The following PPFIBP2 variants were observed in gnomAD, a reference collection of about 807,000 sequenced individuals.
PPFIBP2 encodes liprin-beta-2.
A neutral mutation model predicts 118.3 loss-of-function variants in PPFIBP2; 118 were observed. That is an observed-to-expected ratio of 1.00 (90% CI 0.86 to 1.16). The LOEUF is 1.16. Among genes scored for constraint, PPFIBP2 ranks in the 50% most tolerant of loss-of-function variants. The pLI is 0.00. For synonymous variants in PPFIBP2, 414 were observed against 397.4 expected (o/e 1.04, Z -0.50); for missense variants, 1,195 against 1,073.1 (o/e 1.11, Z -1.59).
At chr11:7,535,779 GA>G (rs1255998037) in intron 1 of PPFIBP2, among the ~76,000 whole-genome samples, 1 of 152,202 alleles carries the variant, frequency 6.6e-6, no homozygotes, top group Non-Finnish European at 1.5e-5. Flanking sequence ...CCCTGGTTCT[GA>G]ATACCTGAAC....
Position 7,605,506 on chromosome 11 carries a change from A to T in PPFIBP2, c.487-4785A>T, listed in dbSNP as rs533798662. On this transcript the variant is annotated intron_variant, in intron 5 of 23. Coordinates refer to ENST00000299492, the MANE Select transcript of PPFIBP2 (RefSeq NM_003621.5). ...GTACAGAAACCAACTGGCATCATTA[A>T]TTGCCTTTCACTAGCAATTTTTAAG... Among the ~76,000 whole-genome samples the T allele has an allele frequency of 1.2e-3, 184 of 152,332 alleles. 1 individual carries two copies. The highest frequency in any genetic ancestry group is 4.3e-3 in the African/African-American group (179 of 41,570).
intron 1 of PPFIBP2, among the ~76,000 whole-genome samples, chr11:7,529,558 C>G (rs1297957087): frequency 6.6e-6 from 1 of 152,194 alleles, no homozygotes; most frequent in Non-Finnish European, 1.5e-5. Flanking sequence ...CTCTTGATGC[C>G]AGTGCATGGA....
At chr11:7,608,142 T>A (rs988918197) in intron 5 of PPFIBP2, among the ~76,000 whole-genome samples, 1 of 152,250 alleles carries the variant, frequency 6.6e-6, no homozygotes, top group Non-Finnish European at 1.5e-5. Context: ...GCCTTAGCAC[T>A]GGGTCCTGAT....
downstream of PPFIBP2, chr11:7,656,767 T>A: frequency 7.8e-7 from 1 of 1,289,830 alleles, no homozygotes; most frequent in Non-Finnish European, 1.0e-6. Context: ...GACTCTCGCC[T>A]GCCTGCCCCC....
At chr11:7,584,300 C>A (rs569863378) in intron 3 of PPFIBP2, among the ~76,000 whole-genome samples, 12 of 152,162 alleles carry the variant, frequency 7.9e-5, no homozygotes, top group Non-Finnish European at 1.8e-4. Flanking sequence ...CTGCTTTGTT[C>A]TTCCTTAAAA....
intron 21 of PPFIBP2, 123 bp from the exon 22 acceptor site, chr11:7,650,717 C>G: frequency 9.2e-7 from 1 of 1,082,760 alleles, no homozygotes; most frequent in South Asian, 2.5e-5. Flanking sequence ...GGTCACTAAG[C>G]TTGAGGGCCT....
At chr11:7,528,767 C>T (rs985952791) in intron 1 of PPFIBP2, among the ~76,000 whole-genome samples, 2 of 152,160 alleles carry the variant, frequency 1.3e-5, no homozygotes, top group Admixed American at 6.6e-5. Context: ...ATTGTTTTCA[C>T]AGATCACATG....
intron 23 of PPFIBP2, 49 bp downstream of exon 23, chr11:7,651,893 T>A (rs746443740): frequency 6.5e-7 from 1 of 1,536,516 alleles, no homozygotes; most frequent in South Asian, 1.2e-5. Context: ...CTCCTGGCCC[T>A]CACGCAGCAC....
At chr11:7,599,344 G>C (rs1222400723) in intron 5 of PPFIBP2, among the ~76,000 whole-genome samples, 1 of 152,230 alleles carries the variant, frequency 6.6e-6, no homozygotes, top group African/African-American at 2.4e-5. Context: ...GAACGTGTCA[G>C]AAGGTTGATG....
At position 7,610,359 on chromosome 11, in the gene PPFIBP2, G is replaced by C; in HGVS notation, c.555G>C (p.Lys185Asn). 6.2e-7 allele frequency: 1 copy of C among 1,614,242 alleles called. No homozygotes were observed. The highest frequency in any genetic ancestry group is 1.3e-5 in the African/African-American group (1 of 75,070). ...TGATGACTGAAGTGTCTGAGCTGAA[G>C]CTCAAGCTGGTTGGCATGGAGAAGG... is the stretch of plus-strand genomic sequence containing the variant. ...LDLMTEVSEL[K>N]LKLVGMEKEQ... Residue 185 changes from lysine to asparagine, a missense_variant, in exon 6 of 24, where the codon AAG (lysine) becomes AAC (asparagine). Physicochemically the swap from Lys to Asn is moderately conservative, Grantham distance 94. Coordinates refer to ENST00000299492, the MANE Select transcript of PPFIBP2 (RefSeq NM_003621.5).
chr11:7,570,026 G>A (rs1194642047), intron 3 of PPFIBP2, among the ~76,000 whole-genome samples: 4 of 152,172 alleles, frequency 2.6e-5, no homozygotes, highest in Non-Finnish European at 5.9e-5. Context: ...CTGGCATGTG[G>A]TACCTGGCCC....
the PPFIBP2 span, chr11:7,665,748 C>G: frequency 1.5e-6 from 2 of 1,305,830 alleles, no homozygotes; most frequent in Non-Finnish European, 2.1e-6. Flanking sequence ...GTCCCAGGCT[C>G]ACTGCAGGGA....
intron 17 of PPFIBP2, among the ~76,000 whole-genome samples, chr11:7,644,090 T>C (rs756225150): frequency 1.5e-4 from 22 of 150,790 alleles, no homozygotes; most frequent in Non-Finnish European, 2.8e-4. Context: ...TTAATTCTTT[T>C]GTGAATTATC....
chr11:7,550,769 T>A (rs917263472), intron 2 of PPFIBP2, among the ~76,000 whole-genome samples: 1 of 152,186 alleles, frequency 6.6e-6, no homozygotes, highest in African/African-American at 2.4e-5. Flanking sequence ...GAAGGCAGAC[T>A]CACCCTTAAT....
rs11041436 is a variant in PPFIBP2, at chr11:7,546,672, C to T, written c.-36-2768C>T. Among the ~76,000 whole-genome samples, 511 of 152,362 alleles carry T rather than the reference C, an allele frequency of 3.4e-3. 1 individual carries two copies. The highest frequency in any genetic ancestry group is 5.1e-3 in the Non-Finnish European group (350 of 68,038). ...GAAGGCTTTGACTCATCTTGAGCAG[C>T]TGGGTGCTCCTGCGTAATCTCATCA... On this transcript the variant is annotated intron_variant, in intron 1 of 23. Coordinates refer to ENST00000299492, the MANE Select transcript of PPFIBP2 (RefSeq NM_003621.5).
intron 22 of PPFIBP2, 89 bp from the exon 23 acceptor site, chr11:7,651,567 C>A: frequency 1.6e-6 from 2 of 1,258,702 alleles, no homozygotes; most frequent in South Asian, 2.9e-5. Flanking sequence ...GGAGGCACCC[C>A]CAGCCCCAAC....
chr11:7,527,642 G>C (rs979782557), intron 1 of PPFIBP2, among the ~76,000 whole-genome samples: 4 of 152,122 alleles, frequency 2.6e-5, no homozygotes, highest in African/African-American at 9.7e-5. Flanking sequence ...TTAATATTCA[G>C]AGAAAGATGT....
At chr11:7,570,071 C>G (rs1313136786) in intron 3 of PPFIBP2, among the ~76,000 whole-genome samples, 1 of 152,130 alleles carries the variant, frequency 6.6e-6, no homozygotes, top group Admixed American at 6.5e-5. Context: ...GTGACCACTT[C>G]CAGGATTTTG....
chr11:7,641,389 C>T lies in PPFIBP2; in HGVS notation c.1376-90C>T, dbSNP rs552418052. 5 of 1,425,150 alleles carry T rather than the reference C, an allele frequency of 3.5e-6. No individual in the cohort carries two copies. The South Asian group carries it at 3.9e-5, about 11-fold the overall frequency. The allele number at this position is 1,425,150 out of a possible 1,614,324, so 88.3% of individuals were successfully genotyped here. A position where few individuals can be genotyped will look rare whatever the true frequency, so the allele number is the denominator to read the frequency against. Reference sequence around the variant, plus strand: ...CAGAACTGGGCAGATTCTCTGGACTCCCACTGAAGGGGAGGGCCCAGGCTT... The same window carrying T: ...CAGAACTGGGCAGATTCTCTGGACTTCCACTGAAGGGGAGGGCCCAGGCTT... On this transcript the variant is annotated intron_variant, in intron 15 of 23. Coordinates refer to ENST00000299492, the MANE Select transcript of PPFIBP2 (RefSeq NM_003621.5).
Sources: gnomAD v4.1 joint callset for allele counts (sites outside exome capture counted in the v4.1 genomes callset) on GRCh38, gnomAD v4.1.1 for gene constraint, MANE v1.5 for transcripts, NCBI Gene and HGNC (gene_info 2026-07-23, HGNC 2026-07-21) for gene names.